Variants in TMEM244 observed in about 807,000 individuals in gnomAD.
TMEM244 encodes the protein putative transmembrane protein 244.
Under a neutral mutation model 15.8 loss-of-function variants are expected in TMEM244, and 13 were observed. The ratio of observed to expected loss-of-function variants is 0.82; its 90% CI spans 0.53 to 1.30. The LOEUF is 1.30. Among genes scored for constraint, TMEM244 ranks in the 50% most tolerant of loss-of-function variants. The pLI is 0.00. For synonymous variants in TMEM244, 45 were observed against 48.7 expected (o/e 0.92, Z 0.32); for missense variants, 161 against 144.9 (o/e 1.11, Z -0.57).
intron 1 of TMEM244, among the ~76,000 whole-genome samples, chr6:129,850,042 G>A (rs763169655): frequency 2.6e-5 from 4 of 152,138 alleles, no homozygotes; most frequent in Non-Finnish European, 5.9e-5. Context: ...TTAGAGAGAA[G>A]GAAAATGAGG....
Position 129,843,574 on chromosome 6 carries a change from A to G in TMEM244, c.149T>C (p.Phe50Ser), listed in dbSNP as rs1037601927. The part of the protein sequence containing the change: ...EVHELNVLAP[F>S]DFKTNPSWLN... ...CCATGAGGGATTTGTTTTGAAATCAAATGGAGCCAGGACATTCAACTCATG... is the reference window on the plus strand; with the variant it reads ...CCATGAGGGATTTGTTTTGAAATCAGATGGAGCCAGGACATTCAACTCATG... The change falls in exon 3 of 5, where the codon TTT (phenylalanine) becomes TCT (serine). Residue 50 changes from phenylalanine (F) to serine (S), a missense_variant. Physicochemically the swap from Phe to Ser is radical, Grantham distance 155. Coordinates refer to ENST00000368143, the MANE Select transcript of TMEM244 (RefSeq NM_001010876.2). 1.9e-6 allele frequency: 3 copies of G among 1,612,588 alleles called. No homozygotes were observed. Among genetic ancestry groups the G allele is most frequent in the African/African-American group, 1.3e-5 (1 of 75,000 alleles).
At chr6:129,854,269 G>T (rs1420110296) in intron 1 of TMEM244, among the ~76,000 whole-genome samples, 1 of 152,106 alleles carries the variant, frequency 6.6e-6, no homozygotes. Flanking sequence ...TAGAAGGCTG[G>T]CCCTACCGGA....
intron 1 of TMEM244, among the ~76,000 whole-genome samples, chr6:129,856,951 T>A (rs1776721027): frequency 6.6e-6 from 1 of 152,062 alleles, no homozygotes; most frequent in Non-Finnish European, 1.5e-5. Flanking sequence ...ATAGTGTTAA[T>A]ATATGATTAA....
intron 1 of TMEM244, among the ~76,000 whole-genome samples, chr6:129,853,767 C>T (rs1034586555): frequency 6.6e-6 from 1 of 152,164 alleles, no homozygotes; most frequent in African/African-American, 2.4e-5. Flanking sequence ...AGCATGAGCA[C>T]TATCTTTGCT....
chr6:129,855,688 T>G (rs1419596889), intron 1 of TMEM244, among the ~76,000 whole-genome samples: 1 of 152,212 alleles, frequency 6.6e-6, no homozygotes, highest in Non-Finnish European at 1.5e-5. Flanking sequence ...CATGATCAGA[T>G]TCTTCGGAGA....
At chr6:129,848,789 T>C (rs2114642137) in intron 1 of TMEM244, among the ~76,000 whole-genome samples, 1 of 152,308 alleles carries the variant, frequency 6.6e-6, no homozygotes, top group South Asian at 2.1e-4. Context: ...TTATTCTTCC[T>C]ACCATGTATT....
At chr6:129,841,145 T>C (rs1448387503) in intron 3 of TMEM244, among the ~76,000 whole-genome samples, 2 of 152,166 alleles carry the variant, frequency 1.3e-5, no homozygotes, top group African/African-American at 4.8e-5. Flanking sequence ...TGTGGCACTA[T>C]TCACATAGCA....
At chr6:129,848,947 T>C (rs1326002946) in intron 1 of TMEM244, among the ~76,000 whole-genome samples, 1 of 152,112 alleles carries the variant, frequency 6.6e-6, no homozygotes, top group Admixed American at 6.5e-5. Context: ...TTCTTATCTC[T>C]GTTAGTATTA....
chr6:129,845,854 T>C lies in TMEM244; in HGVS notation c.34-2A>G, dbSNP rs146932263. Reference sequence around the variant, plus strand: ...TAGAAGAAACTTCTGCAAAACAACCTGTGGAGAAAACAGGCATGAGGTCCA... The same window carrying C: ...TAGAAGAAACTTCTGCAAAACAACCCGTGGAGAAAACAGGCATGAGGTCCA... On this transcript the variant is annotated splice_acceptor_variant, in intron 1 of 4. Transcript: ENST00000368143. LOFTEE classifies it high-confidence loss of function. 7.3e-5 allele frequency: 118 copies of C among 1,609,734 alleles called. No individual in the cohort carries two copies. Among genetic ancestry groups the C allele is most frequent in the Non-Finnish European group, 9.1e-5 (107 of 1,177,804 alleles).
chr6:129,837,541 A>G (rs994671929), intron 3 of TMEM244, among the ~76,000 whole-genome samples: 3 of 152,254 alleles, frequency 2.0e-5, no homozygotes, highest in African/African-American at 7.2e-5. Flanking sequence ...ACCAGCTAAC[A>G]TAATAATGAC....
At chr6:129,832,879 G>A (rs1307476520) in intron 4 of TMEM244, among the ~76,000 whole-genome samples, 19 of 152,128 alleles carry the variant, frequency 1.2e-4, no homozygotes, top group African/African-American at 3.6e-4. Context: ...TTGGATAGGC[G>A]TCCGTGCATC....
intron 1 of TMEM244, among the ~76,000 whole-genome samples, chr6:129,852,725 C>T (rs1340605445): frequency 1.3e-5 from 2 of 152,168 alleles, no homozygotes; most frequent in Non-Finnish European, 2.9e-5. Context: ...CAGGGTTCTA[C>T]TGGGGGTTTG....
At chr6:129,848,009 G>T (rs1039778553) in intron 1 of TMEM244, among the ~76,000 whole-genome samples, 11 of 151,928 alleles carry the variant, frequency 7.2e-5, no homozygotes, top group African/African-American at 2.7e-4. Context: ...CCCAACCTCA[G>T]GTGATCCGCC....
chr6:129,861,122 T>C lies in TMEM244; in HGVS notation c.33+34A>G, dbSNP rs767324427. On this transcript the variant is annotated intron_variant, in intron 1 of 4. Coordinates refer to ENST00000368143, the MANE Select transcript of TMEM244 (RefSeq NM_001010876.2). ...ATTTACACCAGTGCTAGGCAGCAAC[T>C]GAAAGGCAATGCAAAGAAGTAATTT... is the stretch of plus-strand genomic sequence containing the variant. 5 of 1,612,650 alleles carry C rather than the reference T, an allele frequency of 3.1e-6. No homozygotes were observed. In the Admixed American group the frequency reaches 6.7e-5, roughly 22 times the overall value.
intron 1 of TMEM244, among the ~76,000 whole-genome samples, chr6:129,846,670 T>C (rs561245433): frequency 2.5e-4 from 38 of 152,174 alleles, no homozygotes; most frequent in Non-Finnish European, 4.9e-4. Flanking sequence ...ATCTTGCCAA[T>C]TATAATAATA....
chr6:129,840,901 G>A (rs897255229), intron 3 of TMEM244, among the ~76,000 whole-genome samples: 2 of 152,108 alleles, frequency 1.3e-5, no homozygotes, highest in South Asian at 2.1e-4. Context: ...TTAGAATGGC[G>A]ATCATTAAAA....
At chr6:129,832,093 C>CTTTT (rs1177577598) in intron 4 of TMEM244, among the ~76,000 whole-genome samples, 5 of 114,164 alleles carry the variant, frequency 4.4e-5, no homozygotes, top group Admixed American at 9.3e-5. Context: ...ACAGATTGTA[C>CTTTT]TTTTTTTTTT....
chr6:129,843,220 G>A (rs938136338), intron 3 of TMEM244, among the ~76,000 whole-genome samples: 5 of 151,794 alleles, frequency 3.3e-5, no homozygotes, highest in Non-Finnish European at 7.4e-5. Flanking sequence ...TTCTACATCA[G>A]CACATTAAGT....
chr6:129,839,394 A>ACT (rs1207157852), intron 3 of TMEM244, among the ~76,000 whole-genome samples: 1 of 152,108 alleles, frequency 6.6e-6, no homozygotes, highest in Non-Finnish European at 1.5e-5. Flanking sequence ...CATGCTAAAA[A>ACT]CTCTCAATAA....
Sources: allele counts gnomAD v4.1 joint callset (sites outside exome capture counted in the v4.1 genomes callset), GRCh38; gene constraint gnomAD v4.1.1; transcripts MANE v1.5; gene names NCBI Gene and HGNC (gene_info 2026-07-23, HGNC 2026-07-21).